Variants in PLEKHM2 observed in about 807,000 individuals in gnomAD.
PLEKHM2 encodes the protein pleckstrin homology and RUN domain containing M2.
Under a neutral mutation model 116.3 loss-of-function variants are expected in PLEKHM2, and 77 were observed. The ratio of observed to expected loss-of-function variants is 0.66; its 90% CI spans 0.55 to 0.80. The LOEUF (loss-of-function observed/expected upper bound fraction) is 0.80, where lower values mean the gene tolerates loss of function less well. Among genes scored for constraint, PLEKHM2 ranks in the 30% least tolerant of loss-of-function variants. The pLI is 0.00. For synonymous variants in PLEKHM2, 562 were observed against 571.0 expected (o/e 0.98, Z 0.22); for missense variants, 1,183 against 1,354.9 (o/e 0.87, Z 1.99).
chr1:15,698,721 G>A (rs996758739), intron 1 of PLEKHM2, among the ~76,000 whole-genome samples: 6 of 151,132 alleles, frequency 4.0e-5, no homozygotes, highest in African/African-American at 1.5e-4. Flanking sequence ...CTAATTTTTT[G>A]TATATTTAGC....
upstream of PLEKHM2, among the ~76,000 whole-genome samples, chr1:15,682,628 C>A (rs61012295): frequency 0.5 from 50,669 of 100,390 alleles, 9,560 homozygotes; most frequent in East Asian, 0.62. Flanking sequence ...CAAAAACAAA[C>A]AAAACAAAAC....
intron 15 of PLEKHM2, 140 bp from the exon 16 acceptor site, chr1:15,731,052 C>T (rs982651861): frequency 3.1e-5 from 21 of 687,712 alleles, no homozygotes; most frequent in South Asian, 4.9e-5. Flanking sequence ...CCCTGCCTTC[C>T]GTAGATGACA....
intron 1 of PLEKHM2, among the ~76,000 whole-genome samples, chr1:15,701,585 C>T (rs1358774996): frequency 3.3e-5 from 5 of 152,088 alleles, no homozygotes; most frequent in Admixed American, 6.6e-5. Context: ...GTCAGGAGAT[C>T]GTGACCATCC....
chr1:15,732,601 G>T lies in PLEKHM2; in HGVS notation c.2806-11G>T, dbSNP rs1018098487. 44 of 1,597,526 alleles carry T rather than the reference G, an allele frequency of 2.8e-5. No individual in the cohort carries two copies. Among genetic ancestry groups the T allele is most frequent in the Non-Finnish European group, 3.6e-5 (42 of 1,172,188 alleles). On this transcript the variant is annotated splice_polypyrimidine_tract_variant and intron_variant, in intron 18 of 19. Coordinates refer to ENST00000375799, the MANE Select transcript of PLEKHM2 (RefSeq NM_015164.4). ...CTCTGGCTGCTCACCCGGGGGCCTGGCTCTCCCTAGGAGTTCTCCCAGGAC... is the reference window on the plus strand; with the variant it reads ...CTCTGGCTGCTCACCCGGGGGCCTGTCTCTCCCTAGGAGTTCTCCCAGGAC...
intron 1 of PLEKHM2, among the ~76,000 whole-genome samples, chr1:15,702,571 C>T (rs1248754700): frequency 1.3e-5 from 2 of 152,072 alleles, no homozygotes; most frequent in Non-Finnish European, 2.9e-5. Flanking sequence ...ATGTGCACCA[C>T]CACGCCCAGC....
Position 15,732,625 on chromosome 1 carries a change from A to G in PLEKHM2, c.2819A>G (p.Asp940Gly). ...GGCTCTCCCTAGGAGTTCTCCCAGG[A>G]CAGCCAGCAGCTCCTCCCGCCCTGG... The part of the protein sequence containing the change: ...KEYCVLEFSQ[D>G]SQQLLPPWVI... Residue 940 changes from aspartate to glycine, a missense_variant, in exon 19 of 20, where the codon GAC becomes GGC. Asp to Gly is a moderately conservative substitution (Grantham distance 94, BLOSUM62 -1). Transcript: ENST00000375799. 2.5e-6 allele frequency: 4 copies of G among 1,603,434 alleles called. No individual in the cohort carries two copies. Among genetic ancestry groups the G allele is most frequent in the Non-Finnish European group, 3.4e-6 (4 of 1,175,260 alleles).
intron 1 of PLEKHM2, among the ~76,000 whole-genome samples, chr1:15,694,537 T>C (rs1236556551): frequency 6.6e-5 from 10 of 152,092 alleles, no homozygotes; most frequent in Admixed American, 6.6e-4. Context: ...CTCCTTGGTG[T>C]TGCTCATTCC....
intron 5 of PLEKHM2, 129 bp downstream of exon 5, chr1:15,718,754 A>G: frequency 1.6e-6 from 1 of 641,220 alleles, no homozygotes; most frequent in Non-Finnish European, 2.8e-6. Flanking sequence ...GCTTGAGCAA[A>G]ACTTGTTTTT....
intron 1 of PLEKHM2, among the ~76,000 whole-genome samples, chr1:15,691,291 C>T (rs936368939): frequency 1.3e-5 from 2 of 152,084 alleles, no homozygotes; most frequent in Non-Finnish European, 2.9e-5. Flanking sequence ...AGGTTGGTCT[C>T]GAACTCCTGA....
rs978438165 is a variant in PLEKHM2 at position 15,734,165 on chromosome 1, G to T, written c.*231G>T. 3.6e-6 allele frequency: 2 copies of T among 560,730 alleles called. No homozygotes were observed. Among genetic ancestry groups the T allele is most frequent in the South Asian group, 2.3e-5 (1 of 44,368 alleles). The allele number at this position is 560,730 out of a possible 1,614,324, so 34.7% of individuals were successfully genotyped here. On this transcript the variant is annotated 3_prime_UTR_variant, in exon 20 of 20. Transcript: ENST00000375799. ...CAGGTAGCGAATGGAGGTCGCTGGG[G>T]GCAGAGGGTCCGAGCCCTGTGGGCT...
At chr1:15,722,699 CTA>C (rs1202452760) in intron 7 of PLEKHM2, 1 of 152,250 alleles carries the variant, frequency 6.6e-6, no homozygotes, top group Non-Finnish European at 1.5e-5. Flanking sequence ...GAAAAATAAA[CTA>C]TGACACTTGG....
At chr1:15,697,051 G>A (rs1451249359) in intron 1 of PLEKHM2, among the ~76,000 whole-genome samples, 14 of 152,162 alleles carry the variant, frequency 9.2e-5, no homozygotes, top group Admixed American at 8.5e-4. Flanking sequence ...GCACTCATGA[G>A]GTGGTGGTGT....
At chr1:15,718,892 G>GTATCTTA (rs1641502566) in intron 5 of PLEKHM2, among the ~76,000 whole-genome samples, 1 of 152,168 alleles carries the variant, frequency 6.6e-6, no homozygotes, top group Non-Finnish European at 1.5e-5. Context: ...ATTGCCTGGA[G>GTATCTTA]TATCTTAGCC....
At chr1:15,732,135 A>G in intron 17 of PLEKHM2, 87 bp downstream of exon 17, 2 of 1,326,192 alleles carry the variant, frequency 1.5e-6, no homozygotes, top group African/African-American at 1.4e-5. Flanking sequence ...ATAGTCACAG[A>G]GCAACCTGAG....
In PLEKHM2 at chr1:15,732,643, C is replaced by T. The variant is rs868299982; in HGVS notation, c.2837C>T (p.Pro946Leu). ...EFSQDSQQLL[P>L]PWVIYLSCTS... ...TCCCAGGACAGCCAGCAGCTCCTCC[C>T]GCCCTGGGTCATCTACCTGAGCTGC... The change falls in exon 19 of 20, where the codon CCG (proline) becomes CTG (leucine). Residue 946 changes from proline to leucine, a missense_variant. Pro to Leu is a moderately conservative substitution (Grantham distance 98, BLOSUM62 -3). Transcript: ENST00000375799. 1.9e-6 allele frequency: 3 copies of T among 1,606,918 alleles called. No homozygotes were observed. The highest frequency in any genetic ancestry group is 8.5e-7 in the Non-Finnish European group (1 of 1,176,898).
chr1:15,717,831 G>C, intron 3 of PLEKHM2, 62 bp from the exon 4 acceptor site: 2 of 1,066,396 alleles, frequency 1.9e-6, no homozygotes, highest in Non-Finnish European at 2.8e-6. Context: ...GCGCTTGCTT[G>C]GCAAATAAAA....
At position 15,718,572 on chromosome 1, in the gene PLEKHM2, C is replaced by A; in HGVS notation, c.412C>A (p.Leu138Ile). 1 of 1,579,548 alleles carries A rather than the reference C, an allele frequency of 6.3e-7. No homozygotes were observed. The highest frequency in any genetic ancestry group is 8.6e-7 in the Non-Finnish European group (1 of 1,161,214). ...ALVCSHDHLTLFLTLVSGLEF... is the reference protein window; with the variant it reads ...ALVCSHDHLTIFLTLVSGLEF... ...GGTCTGCAGCCACGATCACCTGACG[C>A]TCTTCCTGACCTTGGTGTCCGGGCT... The change falls in exon 5 of 20, where the codon CTC (leucine) becomes ATC (isoleucine). Residue 138 changes from leucine to isoleucine, a missense_variant. By Grantham distance (5) the Leu-to-Ile change is conservative. Transcript: ENST00000375799.
At chr1:15,687,597 C>T (rs1460054371) in intron 1 of PLEKHM2, among the ~76,000 whole-genome samples, 2 of 152,192 alleles carry the variant, frequency 1.3e-5, no homozygotes, top group African/African-American at 2.4e-5. Flanking sequence ...ACCTAAAGGT[C>T]GTTCTACAAC....
chr1:15,718,014 T>G (rs755932538), intron 4 of PLEKHM2, 22 bp downstream of exon 4: 5 of 1,472,026 alleles, frequency 3.4e-6, no homozygotes, highest in South Asian at 1.2e-5. Context: ...GGACGGTCTG[T>G]CTCCCCTAGC....
Sources: gnomAD v4.1 joint callset for allele counts (sites outside exome capture counted in the v4.1 genomes callset) on GRCh38, gnomAD v4.1.1 for gene constraint, MANE v1.5 for transcripts, NCBI Gene and HGNC (gene_info 2026-07-23, HGNC 2026-07-21) for gene names.